SLC22A14: variants seen among roughly 807,000 people sequenced by gnomAD.
SLC22A14 encodes organic cation transporter-like 4.
Under a neutral mutation model 53.9 loss-of-function variants are expected in SLC22A14, and 50 were observed. That is an observed-to-expected ratio of 0.93 (90% CI 0.74 to 1.17). The LOEUF is 1.17. Ranked by LOEUF, SLC22A14 falls within the 50% of genes most tolerant of loss-of-function variation. The probability of loss-of-function intolerance (pLI) is 0.00; values close to 1 mark genes in which losing one functional copy is unlikely to be tolerated. For synonymous variants in SLC22A14, 312 were observed against 303.0 expected (o/e 1.03, Z -0.31); for missense variants, 671 against 734.7 (o/e 0.91, Z 1.00).
At chr3:38,313,685 T>TGCGCGCGCGCGCGC (rs1553644857) in intron 7 of SLC22A14, 42 bp from the exon 8 acceptor site, 123 of 902,042 alleles carry the variant, frequency 1.4e-4, no homozygotes, top group Admixed American at 8.3e-4. Flanking sequence ...TCCGTGTGTG[T>TGCGCGCGCGCGCGC]GCGCGCGTGT....
chr3:38,313,094 C>T lies in SLC22A14; in HGVS notation c.1040C>T (p.Thr347Ile), dbSNP rs778980015. ...TACGCCGCAAGTGTGAACAAGAAGA[C>T]CATTCCTTCAAATCTGCTGGACGAG... ...LCYAASVNKK[T>I]IPSNLLDELQ... Residue 347 changes from threonine (T) to isoleucine (I), a missense_variant, in exon 6 of 11, where the codon ACC becomes ATC. Thr to Ile is a moderately conservative substitution (Grantham distance 89, BLOSUM62 -1). Coordinates refer to ENST00000448498, the MANE Select transcript of SLC22A14 (RefSeq NM_001320033.2). 1.2e-6 allele frequency: 2 copies of T among 1,609,280 alleles called. No homozygotes were observed. Among genetic ancestry groups the T allele is most frequent in the East Asian group, 2.2e-5 (1 of 44,730 alleles).
chr3:38,314,095 C>T (rs1246831903), intron 8 of SLC22A14, among the ~76,000 whole-genome samples, 154 bp downstream of exon 8: 1 of 152,036 alleles, frequency 6.6e-6, no homozygotes, highest in African/African-American at 2.4e-5. Context: ...CCCAGCACCT[C>T]CAATCCCTGG....
Position 38,306,131 on chromosome 3 carries a change from G to T in SLC22A14, c.105G>T (p.Glu35Asp). Residue 35 changes from glutamate to aspartate, a missense_variant, in exon 2 of 11, where the codon GAG (glutamate) becomes GAT (aspartate). Coordinates refer to ENST00000448498, the MANE Select transcript of SLC22A14 (RefSeq NM_001320033.2). ...GACATCCACATTCCTGGTCTCTGGAGATGCTGTTACGCAGATTGAGGGCTG... is the reference window on the plus strand; with the variant it reads ...GACATCCACATTCCTGGTCTCTGGATATGCTGTTACGCAGATTGAGGGCTG... ...VAGHPHSWSL[E>D]MLLRRLRAVH... 1 of 1,614,174 alleles carries T rather than the reference G, an allele frequency of 6.2e-7. No individual in the cohort carries two copies. Among genetic ancestry groups the T allele is most frequent in the Non-Finnish European group, 8.5e-7 (1 of 1,180,020 alleles).
At chr3:38,300,417 G>T (rs1704134650) in intron 1 of SLC22A14, among the ~76,000 whole-genome samples, 1 of 152,058 alleles carries the variant, frequency 6.6e-6, no homozygotes, top group Non-Finnish European at 1.5e-5. Flanking sequence ...TCCAGTCTGG[G>T]GGACACAGTG....
intron 7 of SLC22A14, 39 bp from the exon 8 acceptor site, chr3:38,313,688 G>A (rs111344014): frequency 7.3e-7 from 1 of 1,361,592 alleles, no homozygotes; most frequent in South Asian, 1.2e-5. Flanking sequence ...GTGTGTGTGC[G>A]CGCGTGTGCA....
At chr3:38,293,910 G>A (rs969142644) in intron 1 of SLC22A14, among the ~76,000 whole-genome samples, 2 of 152,128 alleles carry the variant, frequency 1.3e-5, no homozygotes, top group Non-Finnish European at 2.9e-5. Context: ...GGTTAATGTC[G>A]GATTTAGCAG....
At chr3:38,311,312 C>G (rs898924499) in intron 5 of SLC22A14, among the ~76,000 whole-genome samples, 1 of 152,182 alleles carries the variant, frequency 6.6e-6, no homozygotes, top group Non-Finnish European at 1.5e-5. Context: ...AGGGGCAGTA[C>G]CAATGATCTC....
intron 7 of SLC22A14, 42 bp from the exon 8 acceptor site, chr3:38,313,685 T>TGTGTGCGTGTGCACGC: frequency 7.8e-6 from 7 of 900,604 alleles, no homozygotes; most frequent in Non-Finnish European, 1.3e-5. Flanking sequence ...TCCGTGTGTG[T>TGTGTGCGTGTGCACGC]GCGCGCGTGT....
At chr3:38,282,136 AG>A (rs1375926675), upstream of SLC22A14, among the ~76,000 whole-genome samples, 1 of 152,186 alleles carries the variant, frequency 6.6e-6, no homozygotes, top group Non-Finnish European at 1.5e-5. Flanking sequence ...AGACAGGGGC[AG>A]GGGGGTTCGT....
intron 1 of SLC22A14, among the ~76,000 whole-genome samples, chr3:38,296,285 C>T (rs1362460762): frequency 2.0e-5 from 3 of 152,158 alleles, no homozygotes; most frequent in Non-Finnish European, 4.4e-5. Flanking sequence ...CCCTCGGCTT[C>T]CCCAGGAAAA....
chr3:38,281,242 G>A (rs1703662373), upstream of SLC22A14, among the ~76,000 whole-genome samples: 2 of 152,310 alleles, frequency 1.3e-5, no homozygotes, highest in South Asian at 4.1e-4. Context: ...AACTGCAAAA[G>A]AGCTGTAAGT....
chr3:38,312,906 C>T (rs559476445), intron 5 of SLC22A14, 93 bp from the exon 6 acceptor site: 2 of 1,503,720 alleles, frequency 1.3e-6, no homozygotes, highest in Admixed American at 2.0e-5. Flanking sequence ...CTCATGCTGG[C>T]ACAGGATGGC....
chr3:38,303,039 C>A (rs566949803), intron 1 of SLC22A14, among the ~76,000 whole-genome samples: 7 of 152,066 alleles, frequency 4.6e-5, no homozygotes, highest in African/African-American at 1.7e-4. Context: ...ATGTTAGTAT[C>A]CAGTTAATAT....
At chr3:38,310,323 A>T (rs1000502973) in intron 5 of SLC22A14, among the ~76,000 whole-genome samples, 1 of 152,140 alleles carries the variant, frequency 6.6e-6, no homozygotes, top group African/African-American at 2.4e-5. Flanking sequence ...GGCTGCAGTG[A>T]GTTATGATTG....
At chr3:38,298,071 T>C (rs956878106) in intron 1 of SLC22A14, among the ~76,000 whole-genome samples, 1 of 152,230 alleles carries the variant, frequency 6.6e-6, no homozygotes, top group African/African-American at 2.4e-5. Flanking sequence ...ATTTATATTA[T>C]TATGGACTCA....
chr3:38,303,762 C>T (rs757326891), intron 1 of SLC22A14: 2 of 152,082 alleles, frequency 1.3e-5, no homozygotes, highest in African/African-American at 4.8e-5. Context: ...TCTTATCTTT[C>T]ATTTATTTAT....
intron 7 of SLC22A14, 22 bp from the exon 8 acceptor site, chr3:38,313,705 C>CGTGTGTGTGTGTG (rs755206522): frequency 1.3e-6 from 2 of 1,532,628 alleles, no homozygotes; most frequent in Non-Finnish European, 1.8e-6. Context: ...TGCACGCGCA[C>CGTGTGTGTGTGTG]TTGCCTCCTG....
intron 1 of SLC22A14, among the ~76,000 whole-genome samples, chr3:38,288,148 A>G (rs1703832203): frequency 6.6e-6 from 1 of 152,154 alleles, no homozygotes. Flanking sequence ...TTCTGTGTCT[A>G]TGAATTTGAC....
intron 1 of SLC22A14, among the ~76,000 whole-genome samples, chr3:38,289,778 A>G (rs1035221286): frequency 2.0e-5 from 3 of 152,258 alleles, no homozygotes; most frequent in African/African-American, 7.2e-5. Context: ...CGGGTCTGCA[A>G]CAGCGACAAA....
Sources: allele counts gnomAD v4.1 joint callset (sites outside exome capture counted in the v4.1 genomes callset), GRCh38; gene constraint gnomAD v4.1.1; transcripts MANE v1.5; gene names NCBI Gene and HGNC (gene_info 2026-07-23, HGNC 2026-07-21).